Variants in CDYL observed in about 807,000 individuals in gnomAD.
CDYL encodes the protein chromodomain Y-like protein.
In CDYL, 8 loss-of-function variants were observed where a neutral mutation model predicts 47.3. That is an observed-to-expected ratio of 0.17 (90% CI 0.10 to 0.31). The LOEUF is 0.31. Ranked by LOEUF, CDYL falls within the 10% of genes least tolerant of loss-of-function variation. The pLI is 1.00. For synonymous variants in CDYL, 266 were observed against 265.0 expected (o/e 1.00, Z -0.04); for missense variants, 471 against 701.4 (o/e 0.67, Z 3.71).
chr6:4,729,523 C>T (rs952744290), intron 2 of CDYL, among the ~76,000 whole-genome samples: 4 of 151,764 alleles, frequency 2.6e-5, no homozygotes, highest in African/African-American at 4.9e-5. Flanking sequence ...GGCATGGATC[C>T]GAGAAGTCCT....
At chr6:4,737,658 G>T (rs948625185) in intron 3 of CDYL, among the ~76,000 whole-genome samples, 12 of 151,690 alleles carry the variant, frequency 7.9e-5, no homozygotes, top group African/African-American at 2.9e-4. Context: ...TCCCAAGTAG[G>T]GGGGACTACA....
intron 2 of CDYL, among the ~76,000 whole-genome samples, chr6:4,923,419 A>G (rs1184086715): frequency 6.6e-6 from 1 of 152,192 alleles, no homozygotes; most frequent in Non-Finnish European, 1.5e-5. Context: ...TTAAGGCTGA[A>G]TAATACTCCA....
chr6:4,758,266 G>A (rs1758106022), intron 3 of CDYL, among the ~76,000 whole-genome samples: 1 of 151,708 alleles, frequency 6.6e-6, no homozygotes, highest in South Asian at 2.1e-4. Flanking sequence ...TTGAACCCAG[G>A]AGGCAGAGGT....
intron 2 of CDYL, among the ~76,000 whole-genome samples, chr6:4,721,946 T>C (rs970334754): frequency 2.6e-5 from 4 of 151,704 alleles, no homozygotes; most frequent in Admixed American, 2.0e-4. Flanking sequence ...CACTGCAAGC[T>C]CCACCTCCCG....
intron 1 of CDYL, among the ~76,000 whole-genome samples, chr6:4,815,119 A>G (rs1190661430): frequency 6.6e-6 from 1 of 152,178 alleles, no homozygotes; most frequent in Non-Finnish European, 1.5e-5. Context: ...ATGCTTTTAT[A>G]CTAGTAATAA....
intron 2 of CDYL, among the ~76,000 whole-genome samples, chr6:4,734,591 G>C (rs1208106238): frequency 2.0e-5 from 3 of 151,600 alleles, no homozygotes; most frequent in Non-Finnish European, 2.9e-5. Context: ...TTTGCATTCA[G>C]AATTCTCTAG....
chr6:4,846,773 TAAAAA>T (rs367761876), intron 1 of CDYL, among the ~76,000 whole-genome samples: 111 of 152,272 alleles, frequency 7.3e-4, no homozygotes, highest in African/African-American at 2.5e-3. Flanking sequence ...AATATTTAAT[TAAAAA>T]TGAAAAATAC....
chr6:4,886,935 ATTAT>A (rs1761915326), intron 1 of CDYL, among the ~76,000 whole-genome samples: 2 of 152,172 alleles, frequency 1.3e-5, no homozygotes, highest in African/African-American at 4.8e-5. Flanking sequence ...TTGTCCCAAG[ATTAT>A]TTGTTAAAAA....
At chr6:4,748,822 G>T (rs10484831) in intron 3 of CDYL, among the ~76,000 whole-genome samples, 1 of 152,130 alleles carries the variant, frequency 6.6e-6, no homozygotes, top group Non-Finnish European at 1.5e-5. Context: ...ATCTCTAAAG[G>T]CTTCTATGAA....
At chr6:4,746,141 G>A (rs1429584582) in intron 3 of CDYL, among the ~76,000 whole-genome samples, 5 of 151,898 alleles carry the variant, frequency 3.3e-5, no homozygotes, top group Admixed American at 1.3e-4. Flanking sequence ...TGAGGCAGGT[G>A]GATCGCGAGG....
At chr6:4,780,718 T>C (rs1325519709) in intron 1 of CDYL, among the ~76,000 whole-genome samples, 2 of 152,214 alleles carry the variant, frequency 1.3e-5, no homozygotes, top group Admixed American at 1.3e-4. Flanking sequence ...CAAAACGTTT[T>C]CCATTTTTAA....
At chr6:4,756,225 G>C (rs750348654) in intron 3 of CDYL, among the ~76,000 whole-genome samples, 1 of 152,110 alleles carries the variant, frequency 6.6e-6, no homozygotes, top group Non-Finnish European at 1.5e-5. Context: ...GAAGCCTTCA[G>C]CTGATACAAT....
At chr6:4,910,222 T>A (rs538901340) in intron 2 of CDYL, among the ~76,000 whole-genome samples, 146 of 152,284 alleles carry the variant, frequency 9.6e-4, no homozygotes, top group African/African-American at 3.3e-3. Flanking sequence ...GCAGCACATA[T>A]GTTTATTTAC....
At chr6:4,766,018 C>T (rs2127424350) in intron 3 of CDYL, among the ~76,000 whole-genome samples, 1 of 152,048 alleles carries the variant, frequency 6.6e-6, no homozygotes, top group Middle Eastern at 3.4e-3. Context: ...TTAATATACC[C>T]ATGGCAGGAC....
intron 3 of CDYL, 150 bp downstream of exon 3, chr6:4,935,921 G>A: frequency 7.9e-7 from 1 of 1,264,722 alleles, no homozygotes; most frequent in Non-Finnish European, 1.1e-6. Flanking sequence ...GAGCAGAGGG[G>A]AAGTTGCGGG....
chr6:4,849,373 A>G (rs538040443), intron 1 of CDYL, among the ~76,000 whole-genome samples: 1 of 152,322 alleles, frequency 6.6e-6, no homozygotes, highest in South Asian at 2.1e-4. Flanking sequence ...ATGAAAACAT[A>G]CCTTAATGAT....
At chr6:4,767,487 C>T (rs965263782) in intron 3 of CDYL, among the ~76,000 whole-genome samples, 7 of 151,590 alleles carry the variant, frequency 4.6e-5, no homozygotes, top group South Asian at 2.1e-4. Flanking sequence ...GCGGGAGAAT[C>T]GTTTGAACCC....
chr6:4,945,396 G>A (rs1758481435), intron 5 of CDYL, among the ~76,000 whole-genome samples: 1 of 152,126 alleles, frequency 6.6e-6, no homozygotes, highest in African/African-American at 2.4e-5. Context: ...GTGTCCCCCA[G>A]TGCCGCACTG....
intron 2 of CDYL, chr6:4,733,272 G>A (rs1382439811): frequency 6.6e-6 from 1 of 152,150 alleles, no homozygotes; most frequent in Non-Finnish European, 1.5e-5. Context: ...GACAATCCAG[G>A]GCTTTCCTGG....
Sources: allele counts gnomAD v4.1 joint callset (sites outside exome capture counted in the v4.1 genomes callset), GRCh38; gene constraint gnomAD v4.1.1; transcripts MANE v1.5; gene names NCBI Gene and HGNC (gene_info 2026-07-23, HGNC 2026-07-21).